SLC2A14: variants seen among roughly 807,000 people sequenced by gnomAD.
SLC2A14 encodes solute carrier family 2 member 14.
Under a neutral mutation model 43.0 loss-of-function variants are expected in SLC2A14, and 13 were observed. The ratio of observed to expected loss-of-function variants is 0.30; its 90% CI spans 0.20 to 0.48. The LOEUF is 0.48. SLC2A14 is among the 20% of genes least tolerant of loss of function. SLC2A14 has a pLI of 0.99. For synonymous variants in SLC2A14, 190 were observed against 233.8 expected, an observed-to-expected ratio of 0.81 and a Z score of 1.71; for missense variants, 428 against 620.4, an observed-to-expected ratio of 0.69 and a Z score of 3.29.
upstream of SLC2A14, among the ~76,000 whole-genome samples, chr12:7,876,280 C>CAAAAAAAAAA (rs59935166): frequency 0.022 from 1,522 of 68,130 alleles, 125 homozygotes; most frequent in Non-Finnish European, 0.027. Flanking sequence ...AACTCCATCT[C>CAAAAAAAAAA]AAAAAAAAAA....
chr12:7,844,975 A>T (rs1866341045), intron 2 of SLC2A14, among the ~76,000 whole-genome samples: 1 of 152,208 alleles, frequency 6.6e-6, no homozygotes, highest in Non-Finnish European at 1.5e-5. Flanking sequence ...AGTTAACATT[A>T]TCACCATTTT....
In SLC2A14 at chr12:7,853,078, G is replaced by A. The variant is rs975969496; in HGVS notation, c.18+16785C>T. On this transcript the variant is annotated intron_variant, in intron 2 of 10. Coordinates refer to ENST00000431042, the MANE Select transcript of SLC2A14 (RefSeq NM_001286234.2). ...TTATTTGATTTCCGAATCCAACAAC[G>A]GATTAGATGAAAATAAGAAGAGACA... 6.6e-5 allele frequency among the ~76,000 whole-genome samples: 10 copies of A among 151,974 alleles called. 1 individual carries two copies. Among genetic ancestry groups the A allele is most frequent in the East Asian group, 3.9e-4 (2 of 5,188 alleles).
At chr12:7,881,224 T>C (rs1397307783) in intron 1 of SLC2A14, among the ~76,000 whole-genome samples, 1 of 152,128 alleles carries the variant, frequency 6.6e-6, no homozygotes, top group African/African-American at 2.4e-5. Context: ...TGGGAGCCCC[T>C]TCCTGGGCTG....
intron 2 of SLC2A14, among the ~76,000 whole-genome samples, chr12:7,843,538 CCCT>C (rs1866179507): frequency 1.5e-5 from 2 of 137,318 alleles, no homozygotes; most frequent in Admixed American, 1.5e-4. Context: ...GTAAAGACCC[CCCT>C]CCTCCCCAAA....
chr12:7,889,233 C>CTTTT (rs142327842), intron 1 of SLC2A14, among the ~76,000 whole-genome samples: 4,754 of 132,300 alleles, frequency 0.036, 293 homozygotes, highest in East Asian at 0.22. Flanking sequence ...GCTGGTTGCC[C>CTTTT]TTTTTTTTTT....
upstream of SLC2A14, among the ~76,000 whole-genome samples, chr12:7,874,164 A>C (rs1945367658): frequency 6.6e-6 from 1 of 152,144 alleles, no homozygotes; most frequent in South Asian, 2.1e-4. Context: ...GTGAATGCCA[A>C]ACCTGGGGAA....
At chr12:7,819,393 A>C in intron 9 of SLC2A14, 89 bp downstream of exon 9, 1 of 1,536,386 alleles carries the variant, frequency 6.5e-7, no homozygotes. Flanking sequence ...ACAAACTGCA[A>C]CCTTAACAAC....
At chr12:7,855,553 T>C (rs1262056839) in intron 2 of SLC2A14, among the ~76,000 whole-genome samples, 1 of 152,058 alleles carries the variant, frequency 6.6e-6, no homozygotes, top group Non-Finnish European at 1.5e-5. Context: ...AGCTGCCTGT[T>C]CTCCTCAACC....
intron 2 of SLC2A14, chr12:7,839,801 C>T (rs1243052253): frequency 6.6e-6 from 3 of 452,662 alleles, no homozygotes; most frequent in Non-Finnish European, 8.8e-6. Flanking sequence ...AGGCCAGGCT[C>T]GATGGCTCAT....
intron 2 of SLC2A14, among the ~76,000 whole-genome samples, chr12:7,865,597 T>G (rs1944865093): frequency 6.6e-6 from 1 of 151,972 alleles, no homozygotes; most frequent in Admixed American, 6.6e-5. Flanking sequence ...AAATACTGTA[T>G]GCATTCTGAC....
At chr12:7,852,656 T>C (rs1044039971) in intron 2 of SLC2A14, among the ~76,000 whole-genome samples, 2 of 152,148 alleles carry the variant, frequency 1.3e-5, no homozygotes, top group Non-Finnish European at 2.9e-5. Context: ...ACTAGAAATA[T>C]GTAATCCCTT....
At chr12:7,845,000 T>A (rs1362120784) in intron 2 of SLC2A14, among the ~76,000 whole-genome samples, 1 of 152,134 alleles carries the variant, frequency 6.6e-6, no homozygotes, top group Non-Finnish European at 1.5e-5. Context: ...GTGCAAAAAC[T>A]GAAAGAGAAT....
chr12:7,860,026 T>C (rs1944459392), intron 2 of SLC2A14, among the ~76,000 whole-genome samples: 1 of 152,170 alleles, frequency 6.6e-6, no homozygotes, highest in South Asian at 2.1e-4. Flanking sequence ...CCTGGTGCTT[T>C]TGCAAATCCG....
At chr12:7,844,364 A>G (rs749462736) in intron 2 of SLC2A14, among the ~76,000 whole-genome samples, 1 of 152,208 alleles carries the variant, frequency 6.6e-6, no homozygotes, top group South Asian at 2.1e-4. Context: ...TTTGGCTATG[A>G]CAACATTTAC....
intron 2 of SLC2A14, among the ~76,000 whole-genome samples, chr12:7,852,782 A>C (rs1867042624): frequency 6.6e-6 from 1 of 152,144 alleles, no homozygotes; most frequent in African/African-American, 2.4e-5. Flanking sequence ...TTTCAGCAAG[A>C]CATCTCAGAA....
At chr12:7,889,314 A>G (rs981233405) in intron 1 of SLC2A14, among the ~76,000 whole-genome samples, 1 of 146,244 alleles carries the variant, frequency 6.8e-6, no homozygotes, top group African/African-American at 2.5e-5. Flanking sequence ...GCTCACTCCA[A>G]CCTCTGCCTC....
chr12:7,879,971 A>C (rs1449252818), intron 1 of SLC2A14, among the ~76,000 whole-genome samples: 1 of 151,860 alleles, frequency 6.6e-6, no homozygotes, highest in Non-Finnish European at 1.5e-5. Context: ...GCACCACTGC[A>C]CTCCAGCCTA....
intron 1 of SLC2A14, among the ~76,000 whole-genome samples, chr12:7,883,590 C>CTT (rs1204450230): frequency 0.011 from 1,010 of 95,102 alleles, 3 homozygotes; most frequent in African/African-American, 0.02. Flanking sequence ...TTTTTCTTTT[C>CTT]TTTTTTTTTT....
At chr12:7,831,089 A>T (rs1864979614) in intron 4 of SLC2A14, among the ~76,000 whole-genome samples, 1 of 147,608 alleles carries the variant, frequency 6.8e-6, no homozygotes, top group Admixed American at 7.0e-5. Context: ...GCACCATTGC[A>T]CTCCAGCCTA....
Sources: gnomAD v4.1 joint callset for allele counts (sites outside exome capture counted in the v4.1 genomes callset) on GRCh38, gnomAD v4.1.1 for gene constraint, MANE v1.5 for transcripts, NCBI Gene and HGNC (gene_info 2026-07-23, HGNC 2026-07-21) for gene names.